AKAP9: variants seen among roughly 807,000 people sequenced by gnomAD.
AKAP9 encodes A-kinase anchoring protein 9.
A neutral mutation model predicts 488.5 loss-of-function variants in AKAP9; 311 were observed. That is an observed-to-expected ratio of 0.64 (90% CI 0.58 to 0.70). The LOEUF (loss-of-function observed/expected upper bound fraction) is 0.70. Ranked by LOEUF, AKAP9 falls within the 30% of genes least tolerant of loss-of-function variation. AKAP9 has a pLI of 0.00. For missense variants in AKAP9, 4,215 were observed against 4,374.5 expected (o/e 0.96, Z 1.03); for synonymous variants, 1,462 against 1,483.5 (o/e 0.99, Z 0.33).
intron 8 of AKAP9, among the ~76,000 whole-genome samples, chr7:92,005,605 A>C (rs573080204): frequency 1.2e-3 from 184 of 152,310 alleles, no homozygotes; most frequent in Non-Finnish European, 2.3e-3. Context: ...TCAAATGTAG[A>C]GATATTTTAT....
chr7:92,061,584 CTATATATA>C lies in AKAP9; in HGVS notation c.5764+191_5764+198del, dbSNP rs71528033. Among the ~76,000 whole-genome samples the C allele has an allele frequency of 0.37, 37,981 of 102,426 alleles. 6,815 individuals are homozygous for C. Among genetic ancestry groups the C allele is most frequent in the African/African-American group, 0.43 (10,862 of 25,424 alleles). 67.2% of individuals were successfully genotyped at this position (102,426 alleles called of 152,430 possible). On this transcript the variant is annotated intron_variant, in intron 23 of 49. Coordinates refer to ENST00000356239, the MANE Select transcript of AKAP9 (RefSeq NM_005751.5). The stretch of plus-strand genomic sequence containing the variant: ...GAGTTCCTCCAAGCAATTTTTAAAA[CTATATATA>C]TATATATATATATATATATATATAT...
chr7:91,964,083 T>C (rs1336779950), intron 1 of AKAP9, among the ~76,000 whole-genome samples: 3 of 152,158 alleles, frequency 2.0e-5, no homozygotes, highest in African/African-American at 7.2e-5. Flanking sequence ...ATCTATTGCA[T>C]AACAAAAGGA....
intron 26 of AKAP9, among the ~76,000 whole-genome samples, chr7:92,069,335 C>G (rs1292613331): frequency 6.6e-6 from 1 of 151,898 alleles, no homozygotes; most frequent in African/African-American, 2.4e-5. Flanking sequence ...CATTTTTTCC[C>G]CTCTTCCTAG....
intron 18 of AKAP9, 188 bp from the exon 19 acceptor site, chr7:92,041,858 G>A (rs1806164839): frequency 5.3e-6 from 3 of 562,094 alleles, no homozygotes; most frequent in Non-Finnish European, 9.1e-6. Context: ...AGACTTAATT[G>A]GCTTTTAAAA....
Position 92,016,983 on chromosome 7 carries a change from G to C in AKAP9, c.3752-34G>C, listed in dbSNP as rs753543422. 2.2e-5 allele frequency: 32 copies of C among 1,423,492 alleles called. No homozygotes were observed. In the East Asian group the frequency reaches 7.6e-4, roughly 34 times the overall value. 88.2% of individuals were successfully genotyped at this position (1,423,492 alleles called of 1,614,324 possible). ...GAAAGATGCAGACTTTTACTGTGAAGTGAAATTATTGTAATTGTTTGTTTA... is the reference window on the plus strand; with the variant it reads ...GAAAGATGCAGACTTTTACTGTGAACTGAAATTATTGTAATTGTTTGTTTA... On this transcript the variant is annotated intron_variant, in intron 11 of 49. Coordinates refer to ENST00000356239, the MANE Select transcript of AKAP9 (RefSeq NM_005751.5).
chr7:92,001,602 A>AT lies in AKAP9; in HGVS notation c.1686dup (p.Lys563Ter). 1 of 1,613,910 alleles carries AT rather than the reference A, an allele frequency of 6.2e-7. No homozygotes were observed. The highest frequency in any genetic ancestry group is 8.5e-7 in the Non-Finnish European group (1 of 1,179,828). On this transcript the variant is annotated frameshift_variant, in exon 8 of 50. Transcript: ENST00000356239. LOFTEE classifies it high-confidence loss of function. ...CAAGAAAGTAAACTTAATGAAGCAC[A>AT]TAAGTCCCTTAGTACAGTGGAAGAT...
chr7:91,955,826 G>T (rs1182321291), intron 1 of AKAP9, among the ~76,000 whole-genome samples: 1 of 152,088 alleles, frequency 6.6e-6, no homozygotes, highest in Non-Finnish European at 1.5e-5. Context: ...TAGAAACAGG[G>T]TCTCGCCGTG....
chr7:91,982,355 C>T (rs376371624), intron 3 of AKAP9, among the ~76,000 whole-genome samples: 67 of 151,962 alleles, frequency 4.4e-4, no homozygotes, highest in Middle Eastern at 3.4e-3. Context: ...CCCCACCCCT[C>T]GACAGGCCCC....
At chr7:91,986,871 C>T (rs57173725) in intron 3 of AKAP9, among the ~76,000 whole-genome samples, 7,461 of 151,436 alleles carry the variant, frequency 0.049, 332 homozygotes, top group African/African-American at 0.12. Flanking sequence ...ATTTTACATA[C>T]GTTTGTAATT....
chr7:92,093,373 T>C (rs1815973093), intron 39 of AKAP9, 57 bp downstream of exon 39: 8 of 1,446,502 alleles, frequency 5.5e-6, no homozygotes, highest in Non-Finnish European at 7.7e-6. Context: ...AATTTTGTCA[T>C]AAACACTGTG....
At position 92,097,278 on chromosome 7, in the gene AKAP9, T is replaced by G. The variant is rs751924200; in HGVS notation, c.10319T>G (p.Met3440Arg). 1.9e-6 allele frequency: 3 copies of G among 1,613,988 alleles called. No individual in the cohort carries two copies. Among genetic ancestry groups the G allele is most frequent in the Non-Finnish European group, 1.7e-6 (2 of 1,180,026 alleles). Residue 3440 changes from methionine to arginine, a missense_variant, in exon 41 of 50, where the codon ATG (methionine) becomes AGG (arginine). Transcript: ENST00000356239. ...DLEGQRLQGI[M>R]QEFQKQELER... ...GAAGGACAGCGACTACAAGGAATCATGCAGGAATTCCAGAAGCAAGAACTA... is the reference window on the plus strand; with the variant it reads ...GAAGGACAGCGACTACAAGGAATCAGGCAGGAATTCCAGAAGCAAGAACTA...
intron 22 of AKAP9, among the ~76,000 whole-genome samples, chr7:92,054,904 T>C (rs1436082653): frequency 6.6e-6 from 1 of 152,044 alleles, no homozygotes. Flanking sequence ...ACAATCCTTA[T>C]TCAGTAGTCT....
chr7:91,980,495 C>CTTTTTTTTTTTTTTTTTTTTTTT (rs60385804), intron 3 of AKAP9, among the ~76,000 whole-genome samples, 162 bp downstream of exon 3: 3 of 48,768 alleles, frequency 6.2e-5, no homozygotes, highest in Non-Finnish European at 9.9e-5. Context: ...GTATTACTGA[C>CTTTTTTTTTTTTTTTTTTTTTTT]TTTTTTTTTT....
chr7:92,062,951 T>C (rs1563072523), intron 24 of AKAP9, among the ~76,000 whole-genome samples: 1 of 152,090 alleles, frequency 6.6e-6, no homozygotes, highest in Non-Finnish European at 1.5e-5. Context: ...GACATCTAGT[T>C]TAATGTAGTA....
intron 3 of AKAP9, among the ~76,000 whole-genome samples, chr7:91,984,356 A>T (rs1339541132): frequency 6.6e-6 from 1 of 152,220 alleles, no homozygotes; most frequent in African/African-American, 2.4e-5. Flanking sequence ...ATGGCTAGCC[A>T]GTTTTCCCAG....
intron 22 of AKAP9, among the ~76,000 whole-genome samples, chr7:92,055,561 C>T (rs1005295041): frequency 3.9e-5 from 6 of 152,048 alleles, no homozygotes; most frequent in African/African-American, 1.2e-4. Flanking sequence ...GTTTAGGAAA[C>T]AACTCTATGC....
chr7:92,044,916 A>C (rs558339511), intron 20 of AKAP9, 92 bp from the exon 21 acceptor site: 6 of 959,542 alleles, frequency 6.3e-6, no homozygotes, highest in South Asian at 2.8e-5. Context: ...TTTCAAATCA[A>C]ATATTTTGCA....
At chr7:92,086,897 C>A (rs1584495231) in intron 37 of AKAP9, among the ~76,000 whole-genome samples, 1 of 152,214 alleles carries the variant, frequency 6.6e-6, no homozygotes, top group East Asian at 1.9e-4. Flanking sequence ...ATAACTCATG[C>A]CTGAAAAAAA....
chr7:92,089,272 A>C (rs955665981), intron 37 of AKAP9, 113 bp from the exon 38 acceptor site: 130 of 1,255,514 alleles, frequency 1.0e-4, no homozygotes, highest in Non-Finnish European at 1.4e-4. Context: ...AAATTTTTTA[A>C]AAAAGAAAAT....
Sources: gnomAD v4.1 joint callset for allele counts (sites outside exome capture counted in the v4.1 genomes callset) on GRCh38, gnomAD v4.1.1 for gene constraint, MANE v1.5 for transcripts, NCBI Gene and HGNC (gene_info 2026-07-23, HGNC 2026-07-21) for gene names.